WSCD2: variants seen among roughly 807,000 people sequenced by gnomAD.
WSCD2 encodes WSC domain sialate O sulfotransferase 2.
WSCD2 carries 28 observed loss-of-function variants against 55.7 expected under a neutral mutation model. The ratio of observed to expected loss-of-function variants is 0.50; its 90% CI spans 0.37 to 0.69. WSCD2 has a LOEUF of 0.69. Among genes scored for constraint, WSCD2 ranks in the 30% least tolerant of loss-of-function variants. The pLI is 0.00. For synonymous variants in WSCD2, 301 were observed against 301.9 expected, an observed-to-expected ratio of 1.00 and a Z score of 0.03; for missense variants, 616 against 762.1, an observed-to-expected ratio of 0.81 and a Z score of 2.26.
intron 1 of WSCD2, among the ~76,000 whole-genome samples, chr12:108,155,283 GC>G (rs1878404625): frequency 1.3e-5 from 2 of 152,278 alleles, no homozygotes; most frequent in South Asian, 4.2e-4. Flanking sequence ...AGTGTTAGGG[GC>G]ATGATTGTGG....
chr12:108,161,290 C>T (rs929733901), intron 1 of WSCD2, among the ~76,000 whole-genome samples: 1 of 152,132 alleles, frequency 6.6e-6, no homozygotes, highest in Non-Finnish European at 1.5e-5. Flanking sequence ...AACCTCCAGG[C>T]CTTCAGAATG....
At chr12:108,228,493 C>T (rs1009220148) in intron 6 of WSCD2, among the ~76,000 whole-genome samples, 3 of 152,232 alleles carry the variant, frequency 2.0e-5, no homozygotes, top group Non-Finnish European at 4.4e-5. Flanking sequence ...CAGTGACACT[C>T]CCCACAGTCT....
chr12:108,211,630 C>CATATATATATATATATATATACATATAT (rs1229623851), intron 4 of WSCD2, among the ~76,000 whole-genome samples: 86 of 138,518 alleles, frequency 6.2e-4, no homozygotes, highest in African/African-American at 2.3e-3. Context: ...TTTCAAATCC[C>CATATATATATATATATATATACATATAT]ATATATATAT....
chr12:108,166,265 TGTGA>T (rs1361151758), intron 1 of WSCD2, among the ~76,000 whole-genome samples: 2 of 152,218 alleles, frequency 1.3e-5, no homozygotes, highest in Non-Finnish European at 2.9e-5. Context: ...CTCAGAGGCC[TGTGA>T]GTGTGAATGA....
At chr12:108,166,750 T>TTCTCTTTC (rs1316911858) in intron 1 of WSCD2, among the ~76,000 whole-genome samples, 1 of 47,406 alleles carries the variant, frequency 2.1e-5, no homozygotes, top group East Asian at 9.1e-4. Flanking sequence ...CTTTCCTTCT[T>TTCTCTTTC]TCTTTCTTTC....
intron 1 of WSCD2, among the ~76,000 whole-genome samples, chr12:108,173,206 C>T (rs916154125): frequency 2.0e-5 from 3 of 152,190 alleles, no homozygotes; most frequent in African/African-American, 7.2e-5. Context: ...AGCCCCAGCT[C>T]ATCCTGGGGT....
chr12:108,173,860 G>A (rs909395982), intron 1 of WSCD2, among the ~76,000 whole-genome samples: 3 of 150,422 alleles, frequency 2.0e-5, no homozygotes, highest in Non-Finnish European at 4.4e-5. Flanking sequence ...GTGTGTCAGG[G>A]ACTATCAGGG....
intron 4 of WSCD2, among the ~76,000 whole-genome samples, chr12:108,211,476 T>A (rs1886131506): frequency 6.6e-6 from 1 of 152,142 alleles, no homozygotes; most frequent in Non-Finnish European, 1.5e-5. Flanking sequence ...CCTCTGTGGA[T>A]CTCGTCCAGA....
At chr12:108,146,306 C>G (rs1877387683) in intron 1 of WSCD2, among the ~76,000 whole-genome samples, 1 of 152,182 alleles carries the variant, frequency 6.6e-6, no homozygotes, top group Non-Finnish European at 1.5e-5. Flanking sequence ...TGTTTTAAGC[C>G]AAGTTACTCT....
At chr12:108,149,585 G>T (rs557110068) in intron 1 of WSCD2, among the ~76,000 whole-genome samples, 1 of 152,308 alleles carries the variant, frequency 6.6e-6, no homozygotes, top group East Asian at 1.9e-4. Flanking sequence ...CAGGCAGGGG[G>T]ATGCTCTCTG....
chr12:108,195,779 C>T lies in WSCD2; in HGVS notation c.-54C>T, dbSNP rs1883830725. The T allele has an allele frequency of 6.5e-7, 1 of 1,542,328 alleles. No individual in the cohort carries two copies. The highest frequency in any genetic ancestry group is 1.4e-5 in the African/African-American group (1 of 72,714). The stretch of plus-strand genomic sequence containing the variant: ...CTTGGGAAACCAAGCCCCTTCCATC[C>T]TCTCCCAAGCACCCCAGCCAAGCCC... On this transcript the variant is annotated 5_prime_UTR_variant, in exon 2 of 9. Coordinates refer to ENST00000547525, the MANE Select transcript of WSCD2 (RefSeq NM_014653.4).
chr12:108,159,614 GA>G (rs754002629), intron 1 of WSCD2, among the ~76,000 whole-genome samples: 2 of 152,214 alleles, frequency 1.3e-5, no homozygotes, highest in African/African-American at 2.4e-5. Flanking sequence ...CCATCTTGCT[GA>G]AACAAATGAG....
chr12:108,232,991 C>A, intron 7 of WSCD2, 96 bp downstream of exon 7: 1 of 1,489,012 alleles, frequency 6.7e-7, no homozygotes, highest in Non-Finnish European at 9.0e-7. Flanking sequence ...TGAGTATCTA[C>A]TGTGTGCCAC....
intron 1 of WSCD2, chr12:108,189,303 G>A (rs1431262130): frequency 1.3e-5 from 2 of 152,182 alleles, no homozygotes; most frequent in Non-Finnish European, 2.9e-5. Context: ...ATCTGTTACA[G>A]AGGGTGGTTG....
intron 1 of WSCD2, among the ~76,000 whole-genome samples, chr12:108,178,233 T>C (rs947670261): frequency 5.9e-5 from 9 of 152,190 alleles, no homozygotes; most frequent in African/African-American, 1.2e-4. Context: ...TGTGTCTTCA[T>C]AGCGTCTTCC....
chr12:108,141,367 C>G (rs918271516), intron 1 of WSCD2, among the ~76,000 whole-genome samples: 4 of 152,216 alleles, frequency 2.6e-5, no homozygotes, highest in Non-Finnish European at 5.9e-5. Flanking sequence ...TCCTGAGTAG[C>G]TGGGACTACA....
rs191068644 is a variant in WSCD2, at chr12:108,248,347, G to A, written c.*4G>A. 103 of 1,606,168 alleles carry A rather than the reference G, an allele frequency of 6.4e-5. No homozygotes were observed. Among genetic ancestry groups the A allele is most frequent in the Admixed American group, 4.2e-4 (25 of 59,816 alleles). ...CGATGACTACTACCCAAGATGATGC[G>A]TCCACACAGGGGGAGGGTAGACTGG... On this transcript the variant is annotated 3_prime_UTR_variant, in exon 9 of 9. Coordinates refer to ENST00000547525, the MANE Select transcript of WSCD2 (RefSeq NM_014653.4). This position sits in a 1 kb window ranked among gnomAD's most constrained non-coding sequence, Gnocchi z 4.3.
chr12:108,148,503 T>C (rs1322155805), intron 1 of WSCD2, among the ~76,000 whole-genome samples: 3 of 152,186 alleles, frequency 2.0e-5, no homozygotes, highest in Non-Finnish European at 4.4e-5. Context: ...AGTTCAGTGA[T>C]AGAATCAATT....
At chr12:108,230,800 G>C (rs936229338) in intron 6 of WSCD2, among the ~76,000 whole-genome samples, 2 of 152,218 alleles carry the variant, frequency 1.3e-5, no homozygotes, top group African/African-American at 2.4e-5. Context: ...CTTGAATTGA[G>C]CATGGGGCAG....
Sources: allele counts gnomAD v4.1 joint callset (sites outside exome capture counted in the v4.1 genomes callset), GRCh38; gene constraint gnomAD v4.1.1; non-coding constraint Gnocchi (gnomAD v3.1); transcripts MANE v1.5; gene names NCBI Gene and HGNC (gene_info 2026-07-23, HGNC 2026-07-21).